The following PIWIL4 variants were observed in gnomAD, a reference collection of about 807,000 sequenced individuals.
PIWIL4 encodes the protein piwi like RNA-mediated gene silencing 4, also known as piwi-like protein 4.
In PIWIL4, 50 loss-of-function variants were observed where a neutral mutation model predicts 100.9. The ratio of observed to expected loss-of-function variants is 0.50; its 90% CI spans 0.39 to 0.63. PIWIL4 has a LOEUF of 0.63. PIWIL4 is among the 20% of genes least tolerant of loss of function. PIWIL4 has a pLI of 0.00. For missense variants in PIWIL4, 887 were observed against 1,043.3 expected (o/e 0.85, Z 2.06); for synonymous variants, 342 against 367.5 (o/e 0.93, Z 0.79).
chr11:94,618,686 A>C (rs992332686), intron 17 of PIWIL4, among the ~76,000 whole-genome samples: 2 of 152,222 alleles, frequency 1.3e-5, no homozygotes, highest in African/African-American at 4.8e-5. Flanking sequence ...GTTCAAGAAA[A>C]TGTTGGAAAT....
intron 11 of PIWIL4, among the ~76,000 whole-genome samples, chr11:94,601,253 C>A (rs143870567): frequency 6.6e-6 from 1 of 152,152 alleles, no homozygotes; most frequent in East Asian, 1.9e-4. Context: ...TAATAAATGT[C>A]CATGAAATCT....
At chr11:94,599,588 A>T (rs995881151) in intron 11 of PIWIL4, among the ~76,000 whole-genome samples, 17 of 152,336 alleles carry the variant, frequency 1.1e-4, no homozygotes, top group Admixed American at 1.1e-3. Flanking sequence ...GGAGCCATTG[A>T]TGGAAAGCTA....
rs58916959 is a variant in PIWIL4, at chr11:94,621,147, A to G, written c.*155A>G. 9.7e-3 allele frequency: 5,460 copies of G among 561,214 alleles called. 274 individuals are homozygous for G. In the East Asian group the frequency reaches 0.12, roughly 12 times the overall value. The allele number at this position is 561,214 out of a possible 1,614,324, so 34.8% of individuals were successfully genotyped here. Reference sequence around the variant, plus strand: ...AAAGCAAAACAACTTAATCTGAAACAGTTTTAAAAAATGTGTGTTATTTTG... The same window carrying G: ...AAAGCAAAACAACTTAATCTGAAACGGTTTTAAAAAATGTGTGTTATTTTG... On this transcript the variant is annotated 3_prime_UTR_variant, in exon 20 of 20. Transcript: ENST00000299001.
intron 15 of PIWIL4, among the ~76,000 whole-genome samples, chr11:94,614,892 G>A (rs941976140): frequency 5.3e-5 from 8 of 152,164 alleles, no homozygotes; most frequent in African/African-American, 1.9e-4. Flanking sequence ...TCCCTAGGGT[G>A]GTGCCCTGAA....
At chr11:94,602,095 G>A in intron 12 of PIWIL4, 116 bp downstream of exon 12, 1 of 929,428 alleles carries the variant, frequency 1.1e-6, no homozygotes, top group Non-Finnish European at 1.6e-6. Context: ...AATGTAAAGT[G>A]CCAAGAAAGT....
chr11:94,601,195 G>A lies in PIWIL4; in HGVS notation c.1381-600G>A, dbSNP rs1948634698. ...TCTTCACAATTTATGTTTAAACACT[G>A]CAGTAAAGACAGGCATAAGAAATTA... On this transcript the variant is annotated intron_variant, in intron 11 of 19. Coordinates refer to ENST00000299001, the MANE Select transcript of PIWIL4 (RefSeq NM_152431.3). Among the ~76,000 whole-genome samples the A allele has an allele frequency of 2.0e-5, 3 of 152,032 alleles. No individual in the cohort carries two copies. In the South Asian group the frequency reaches 6.2e-4, roughly 32 times the overall value.
rs1591769487 is a variant in PIWIL4 at position 94,567,538 on chromosome 11, T to G, written c.20T>G (p.Val7Gly). 6.2e-7 allele frequency: 1 copy of G among 1,602,578 alleles called. No individual in the cohort carries two copies. Among genetic ancestry groups the G allele is most frequent in the Non-Finnish European group, 8.5e-7 (1 of 1,174,778 alleles). Reference sequence around the variant, plus strand: ...GGGAACATGAGTGGAAGAGCCCGAGTGAAGGCCAGAGGCATCGCCCGCAGC... The same window carrying G: ...GGGAACATGAGTGGAAGAGCCCGAGGGAAGGCCAGAGGCATCGCCCGCAGC... MSGRARVKARGIARSPS... is the reference protein window; with the variant it reads MSGRARGKARGIARSPS... Residue 7 changes from valine (V) to glycine (G), a missense_variant, in exon 1 of 20, where the codon GTG becomes GGG. Transcript: ENST00000299001.
intron 2 of PIWIL4, among the ~76,000 whole-genome samples, 163 bp downstream of exon 2, chr11:94,568,971 G>A (rs1272521639): frequency 1.3e-5 from 2 of 152,184 alleles, no homozygotes; most frequent in Middle Eastern, 3.2e-3. Flanking sequence ...TAACATAGAA[G>A]CACGTGCTGA....
chr11:94,589,253 T>C lies in PIWIL4; in HGVS notation c.1026+21T>C, dbSNP rs534486788. Reference sequence around the variant, plus strand: ...AGCAGGTAGGACTTTTCTTCATGCATCTCTATCTCCTTTTCTTTTACCTCA... The same window carrying C: ...AGCAGGTAGGACTTTTCTTCATGCACCTCTATCTCCTTTTCTTTTACCTCA... On this transcript the variant is annotated intron_variant, in intron 8 of 19. Coordinates refer to ENST00000299001, the MANE Select transcript of PIWIL4 (RefSeq NM_152431.3). 4.9e-5 allele frequency: 75 copies of C among 1,535,048 alleles called. No individual in the cohort carries two copies. In the South Asian group the frequency reaches 7.7e-4, roughly 16 times the overall value.
chr11:94,620,273 G>C (rs1049947438), intron 19 of PIWIL4, 129 bp downstream of exon 19: 4 of 1,039,078 alleles, frequency 3.8e-6, no homozygotes, highest in Non-Finnish European at 5.4e-6. Flanking sequence ...AGGAATGAAT[G>C]AATGAATGAA....
At chr11:94,598,107 C>T (rs971122933) in intron 11 of PIWIL4, among the ~76,000 whole-genome samples, 192 bp downstream of exon 11, 6 of 152,134 alleles carry the variant, frequency 3.9e-5, no homozygotes, top group Non-Finnish European at 7.3e-5. Context: ...CTTAGCGGCA[C>T]CCAGTGGACA....
At chr11:94,568,366 G>A (rs1331461334) in intron 1 of PIWIL4, among the ~76,000 whole-genome samples, 3 of 152,010 alleles carry the variant, frequency 2.0e-5, no homozygotes, top group East Asian at 3.9e-4. Flanking sequence ...CTGCTGACCC[G>A]GGGCCTCTGT....
At chr11:94,601,284 C>T (rs1357891936) in intron 11 of PIWIL4, among the ~76,000 whole-genome samples, 3 of 152,122 alleles carry the variant, frequency 2.0e-5, no homozygotes, top group Non-Finnish European at 4.4e-5. Context: ...TGTTCTTCTG[C>T]CATGGCTTCA....
intron 4 of PIWIL4, among the ~76,000 whole-genome samples, chr11:94,583,158 A>G (rs1444360354): frequency 1.4e-5 from 2 of 145,634 alleles, no homozygotes; most frequent in African/African-American, 4.9e-5. Context: ...TAGAAAAATC[A>G]AGAACCACTG....
At chr11:94,587,012 A>G (rs375225867) in intron 6 of PIWIL4, 38 bp from the exon 7 acceptor site, 2 of 1,484,314 alleles carry the variant, frequency 1.3e-6, no homozygotes, top group African/African-American at 2.8e-5. Flanking sequence ...CCGGTATAAC[A>G]TTGACAATAT....
At chr11:94,596,136 AT>A (rs1183164915) in intron 10 of PIWIL4, among the ~76,000 whole-genome samples, 1 of 151,546 alleles carries the variant, frequency 6.6e-6, no homozygotes, top group Non-Finnish European at 1.5e-5. Context: ...CACACTTGTC[AT>A]TTTTTTACTT....
intron 15 of PIWIL4, among the ~76,000 whole-genome samples, chr11:94,615,931 A>T (rs1436586399): frequency 6.7e-6 from 1 of 148,430 alleles, no homozygotes. Context: ...TTGTTTCTGA[A>T]ATCTACACAA....
At chr11:94,617,774 G>C (rs963757574) in intron 16 of PIWIL4, 180 bp from the exon 17 acceptor site, 1 of 579,030 alleles carries the variant, frequency 1.7e-6, no homozygotes, top group Non-Finnish European at 3.0e-6. Flanking sequence ...CAGAGACAGA[G>C]GAATGCTCCC....
intron 3 of PIWIL4, among the ~76,000 whole-genome samples, chr11:94,576,126 A>G (rs940293450): frequency 1.3e-5 from 2 of 151,870 alleles, no homozygotes; most frequent in Non-Finnish European, 2.9e-5. Flanking sequence ...CATCTATTCT[A>G]TATCATTCTT....
Sources: gnomAD v4.1 joint callset for allele counts (sites outside exome capture counted in the v4.1 genomes callset) on GRCh38, gnomAD v4.1.1 for gene constraint, MANE v1.5 for transcripts, NCBI Gene and HGNC (gene_info 2026-07-23, HGNC 2026-07-21) for gene names.